The following NIM1K variants were observed in gnomAD, a reference collection of about 807,000 sequenced individuals.
NIM1K encodes the protein serine/threonine-protein kinase NIM1.
A neutral mutation model predicts 37.1 loss-of-function variants in NIM1K; 35 were observed. The observed-to-expected ratio is 0.94, with a 90% confidence interval of 0.72 to 1.25. NIM1K has a LOEUF of 1.25. NIM1K is among the 50% of genes most tolerant of loss of function. The probability of loss-of-function intolerance (pLI) is 0.00; values close to 1 mark genes in which losing one functional copy is unlikely to be tolerated. For missense variants in NIM1K, 564 were observed against 548.0 expected (o/e 1.03, Z -0.29); for synonymous variants, 234 against 206.6 (o/e 1.13, Z -1.14).
intron 2 of NIM1K, among the ~76,000 whole-genome samples, chr5:43,251,674 T>G (rs1261743173): frequency 6.6e-6 from 1 of 152,154 alleles, no homozygotes; most frequent in Non-Finnish European, 1.5e-5. Context: ...CATTTCTACT[T>G]TTCTTGATGA....
intron 2 of NIM1K, among the ~76,000 whole-genome samples, chr5:43,249,394 G>T (rs975160874): frequency 6.6e-6 from 1 of 151,994 alleles, no homozygotes; most frequent in Non-Finnish European, 1.5e-5. Context: ...GTTCTATTCA[G>T]GTCTTCAACT....
intron 1 of NIM1K, among the ~76,000 whole-genome samples, chr5:43,223,386 T>C (rs1374860386): frequency 1.3e-5 from 2 of 152,186 alleles, no homozygotes; most frequent in South Asian, 4.1e-4. Flanking sequence ...ACATACAGTA[T>C]CTAGAATAAT....
intron 1 of NIM1K, chr5:43,225,871 T>TGGGAGGCAGAGGTTGCGGTGAGCCGA (rs1752450469): frequency 6.6e-6 from 1 of 152,408 alleles, no homozygotes; most frequent in African/African-American, 2.4e-5. Flanking sequence ...AGAGACAGCC[T>TGGGAGGCAGAGGTTGCGGTGAGCCGA]GATATAAAAG....
rs367746669 is a variant in NIM1K at position 43,280,298 on chromosome 5, G to A, written c.880G>A (p.Val294Met). Residue 294 changes from valine to methionine, a missense_variant, in exon 4 of 4, where the codon GTG (valine) becomes ATG (methionine). Coordinates refer to ENST00000326035, the MANE Select transcript of NIM1K (RefSeq NM_153361.4). ...LEGTYSVPPHVSEPCHRLIRG... is the reference protein window; with the variant it reads ...LEGTYSVPPHMSEPCHRLIRG... ...GGGCACATACAGTGTACCGCCGCAC[G>A]TGTCAGAGCCCTGCCACCGACTCAT... is the stretch of plus-strand genomic sequence containing the variant. 1 of 1,614,140 alleles carries A rather than the reference G, an allele frequency of 6.2e-7. No individual in the cohort carries two copies. The highest frequency in any genetic ancestry group is 1.7e-5 in the Admixed American group (1 of 60,020).
At chr5:43,195,930 GC>G (rs1313014746) in intron 1 of NIM1K, among the ~76,000 whole-genome samples, 4 of 152,202 alleles carry the variant, frequency 2.6e-5, no homozygotes, top group Non-Finnish European at 5.9e-5. Context: ...AAACGAAGTT[GC>G]AGAATAGGAA....
intron 1 of NIM1K, among the ~76,000 whole-genome samples, chr5:43,224,152 C>T (rs566554557): frequency 9.2e-5 from 14 of 152,062 alleles, no homozygotes; most frequent in African/African-American, 2.4e-4. Flanking sequence ...ATCCTCCCCC[C>T]TCTTGCCTCC....
Position 43,280,589 on chromosome 5 carries a change from T to G in NIM1K, c.1171T>G (p.Leu391Val). Residue 391 changes from leucine (L) to valine (V), a missense_variant, in exon 4 of 4, where the codon TTA becomes GTA. Physicochemically the swap from Leu to Val is conservative, Grantham distance 32 (BLOSUM62 1). Transcript: ENST00000326035. ...AATCACAGGGGTCTATAGAATTATT[T>G]TACATAGAGTCCAAAGGAAGAAGGC... ...SSITGVYRIILHRVQRKKALE... is the reference protein window; with the variant it reads ...SSITGVYRIIVHRVQRKKALE... The G allele has an allele frequency of 6.2e-7, 1 of 1,614,126 alleles. No homozygotes were observed.
chr5:43,225,126 C>T (rs1274549860), intron 1 of NIM1K, among the ~76,000 whole-genome samples: 1 of 151,956 alleles, frequency 6.6e-6, no homozygotes, highest in Non-Finnish European at 1.5e-5. Flanking sequence ...GCTACAGTGT[C>T]AGGGTTATAG....
intron 1 of NIM1K, among the ~76,000 whole-genome samples, chr5:43,192,664 G>T (rs1751850670): frequency 6.6e-6 from 1 of 152,166 alleles, no homozygotes; most frequent in Non-Finnish European, 1.5e-5. Flanking sequence ...GGGCGAGAGC[G>T]TGCTCGCGCG....
intron 1 of NIM1K, among the ~76,000 whole-genome samples, chr5:43,199,203 AAATATATATATATAT>A (rs1751980945): frequency 2.0e-5 from 2 of 100,938 alleles, no homozygotes; most frequent in African/African-American, 7.6e-5. Flanking sequence ...AAAAAAAAAA[AAATATATATATATAT>A]ATATATATAT....
intron 1 of NIM1K, chr5:43,231,872 A>G (rs1213570666): frequency 2.5e-6 from 3 of 1,190,746 alleles, no homozygotes; most frequent in Admixed American, 3.8e-5. Context: ...CAACCTCCTT[A>G]TAATCCTTCT....
intron 2 of NIM1K, among the ~76,000 whole-genome samples, chr5:43,262,514 C>G (rs1022796849): frequency 2.0e-5 from 3 of 152,100 alleles, no homozygotes; most frequent in African/African-American, 4.8e-5. Flanking sequence ...GCGGCTGAGA[C>G]GATGGGGTTT....
intron 1 of NIM1K, among the ~76,000 whole-genome samples, chr5:43,235,569 C>T (rs796904167): frequency 6.6e-6 from 1 of 152,276 alleles, no homozygotes; most frequent in African/African-American, 2.4e-5. Flanking sequence ...CATAATCTTC[C>T]TGTTGGGACC....
At chr5:43,213,199 TTCTTTCTTTC>T (rs1752235786) in intron 1 of NIM1K, among the ~76,000 whole-genome samples, 3 of 66,622 alleles carry the variant, frequency 4.5e-5, no homozygotes, top group Non-Finnish European at 7.3e-5. Flanking sequence ...CTTTCTTTCT[TTCTTTCTTTC>T]TTTCTTTCTT....
At chr5:43,277,034 A>G in intron 2 of NIM1K, 23 bp from the exon 3 acceptor site, 1 of 1,611,318 alleles carries the variant, frequency 6.2e-7, no homozygotes, top group Non-Finnish European at 8.5e-7. Context: ...TTCTGGCACA[A>G]TTTTTACTTT....
intron 1 of NIM1K, among the ~76,000 whole-genome samples, chr5:43,224,146 T>TC (rs1285991454): frequency 6.6e-6 from 1 of 151,434 alleles, no homozygotes; most frequent in Non-Finnish European, 1.5e-5. Flanking sequence ...CAAGCTATCC[T>TC]CCCCCCTCTT....
intron 1 of NIM1K, among the ~76,000 whole-genome samples, chr5:43,244,714 A>G (rs563080749): frequency 3.9e-4 from 59 of 152,258 alleles, no homozygotes; most frequent in Non-Finnish European, 5.7e-4. Context: ...TTGAATAAAT[A>G]TGAGAAATTT....
At chr5:43,229,988 C>A (rs1233530300) in intron 1 of NIM1K, among the ~76,000 whole-genome samples, 1 of 151,858 alleles carries the variant, frequency 6.6e-6, no homozygotes, top group African/African-American at 2.4e-5. Flanking sequence ...TGAAATATCT[C>A]TACCTTTACC....
At chr5:43,235,388 A>G (rs1752606495) in intron 1 of NIM1K, among the ~76,000 whole-genome samples, 1 of 152,236 alleles carries the variant, frequency 6.6e-6, no homozygotes, top group Non-Finnish European at 1.5e-5. Flanking sequence ...GAGTCTCTTA[A>G]GCATTTTTGT....
Sources: gnomAD v4.1 joint callset for allele counts (sites outside exome capture counted in the v4.1 genomes callset) on GRCh38, gnomAD v4.1.1 for gene constraint, MANE v1.5 for transcripts, NCBI Gene and HGNC (gene_info 2026-07-23, HGNC 2026-07-21) for gene names.